The following LMX1B variants were observed in gnomAD, a reference collection of about 807,000 sequenced individuals.
The protein encoded by LMX1B is LIM homeobox transcription factor 1 beta.
A neutral mutation model predicts 51.4 loss-of-function variants in LMX1B; 12 were observed. The observed-to-expected ratio is 0.23, with a 90% confidence interval of 0.15 to 0.38. The LOEUF is 0.38. Among genes scored for constraint, LMX1B ranks in the 10% least tolerant of loss-of-function variants. The pLI is 1.00. For missense variants in LMX1B, 445 were observed against 571.1 expected (o/e 0.78, Z 2.25); for synonymous variants, 237 against 235.4 (o/e 1.01, Z -0.06).
At chr9:126,684,869 G>T (rs1588301555) in intron 2 of LMX1B, among the ~76,000 whole-genome samples, 1 of 152,210 alleles carries the variant, frequency 6.6e-6, no homozygotes, top group African/African-American at 2.4e-5. Context: ...GACCCAAGTT[G>T]TGTTGTTGTG....
At chr9:126,674,807 G>A (rs1836523638) in intron 2 of LMX1B, among the ~76,000 whole-genome samples, 1 of 152,172 alleles carries the variant, frequency 6.6e-6, no homozygotes, top group Non-Finnish European at 1.5e-5. Context: ...GACCCGCTGT[G>A]CCTCTCACCT....
At chr9:126,631,523 G>A (rs1222573465) in intron 2 of LMX1B, among the ~76,000 whole-genome samples, 3 of 152,124 alleles carry the variant, frequency 2.0e-5, no homozygotes, top group Non-Finnish European at 4.4e-5. Flanking sequence ...GGCCGGGATG[G>A]GGCAGGCCTA....
intron 2 of LMX1B, among the ~76,000 whole-genome samples, chr9:126,632,415 GGAGGGGCTGCC>G (rs901891704): frequency 3.9e-5 from 6 of 152,182 alleles, no homozygotes; most frequent in Non-Finnish European, 8.8e-5. Context: ...TGAGTCTGGC[GGAGGGGCTGCC>G]GAGGGGCTGC....
At chr9:126,637,907 C>T (rs1699085366) in intron 2 of LMX1B, among the ~76,000 whole-genome samples, 1 of 149,152 alleles carries the variant, frequency 6.7e-6, no homozygotes, top group Non-Finnish European at 1.5e-5. Flanking sequence ...CTTGGCCCTG[C>T]TGTAGCCTCA....
chr9:126,677,510 A>C lies in LMX1B; in HGVS notation c.327-13326A>C, dbSNP rs1291653850. Among the ~76,000 whole-genome samples, 1 of 152,152 alleles carries C rather than the reference A, an allele frequency of 6.6e-6. No individual in the cohort carries two copies. The highest frequency in any genetic ancestry group is 2.4e-5 in the African/African-American group (1 of 41,430). Reference sequence around the variant, plus strand: ...TGGGTCATTTGCTTCCCAGTCCCCAACTACCTTTCCAACCTCCAGGAAGGC... The same window carrying C: ...TGGGTCATTTGCTTCCCAGTCCCCACCTACCTTTCCAACCTCCAGGAAGGC... On this transcript the variant is annotated intron_variant, in intron 2 of 7. Coordinates refer to ENST00000373474, the MANE Select transcript of LMX1B (RefSeq NM_001174147.2). This position sits in a 1 kb window ranked among gnomAD's most constrained non-coding sequence, Gnocchi z 5.0.
intron 2 of LMX1B, among the ~76,000 whole-genome samples, chr9:126,662,544 G>A (rs947460805): frequency 1.3e-5 from 2 of 152,188 alleles, no homozygotes; most frequent in Non-Finnish European, 1.5e-5. Flanking sequence ...GAATTCTGCA[G>A]AACCAGTTCC....
rs1227835696 is a variant in LMX1B, at chr9:126,615,119, C to A, written c.140-264C>A. Reference sequence around the variant, plus strand: ...CGTTGTCATTTGTCTTAACACGGAGCGCGGATTCTCCGGAGAAGGGGAGAG... The same window carrying A: ...CGTTGTCATTTGTCTTAACACGGAGAGCGGATTCTCCGGAGAAGGGGAGAG... On this transcript the variant is annotated intron_variant, in intron 1 of 7. Coordinates refer to ENST00000373474, the MANE Select transcript of LMX1B (RefSeq NM_001174147.2). This position sits in a 1 kb window ranked among gnomAD's most constrained non-coding sequence, Gnocchi z 6.0. Among the ~76,000 whole-genome samples the A allele has an allele frequency of 6.6e-6, 1 of 152,086 alleles. No homozygotes were observed. The highest frequency in any genetic ancestry group is 2.4e-5 in the African/African-American group (1 of 41,436).
At chr9:126,666,568 T>TAAAA (rs1836344726) in intron 2 of LMX1B, among the ~76,000 whole-genome samples, 1 of 151,526 alleles carries the variant, frequency 6.6e-6, no homozygotes, top group African/African-American at 2.4e-5. Flanking sequence ...AAACAGGTTG[T>TAAAA]TAATAGCAAT....
At chr9:126,668,020 T>C (rs980145611) in intron 2 of LMX1B, among the ~76,000 whole-genome samples, 1 of 152,110 alleles carries the variant, frequency 6.6e-6, no homozygotes, top group African/African-American at 2.4e-5. Context: ...GTGGTCCCAC[T>C]GGGTGTGGAC....
rs1195883719 is a variant in LMX1B, at chr9:126,615,002, AC to A, written c.140-379del. On this transcript the variant is annotated intron_variant, in intron 1 of 7. Coordinates refer to ENST00000373474, the MANE Select transcript of LMX1B (RefSeq NM_001174147.2). The surrounding 1 kb of genome is among the most constrained non-coding windows in gnomAD (Gnocchi z 6.0). ...ATTTTGGGGAGATCGGGGATAGAAG[AC>A]CACGAACGCCACCGTGGGGCGTGTC... is the stretch of plus-strand genomic sequence containing the variant. Among the ~76,000 whole-genome samples, 1 of 152,090 alleles carries A rather than the reference AC, an allele frequency of 6.6e-6. No homozygotes were observed. The highest frequency in any genetic ancestry group is 1.5e-5 in the Non-Finnish European group (1 of 67,998).
At chr9:126,682,169 C>T (rs371697175) in intron 2 of LMX1B, among the ~76,000 whole-genome samples, 2 of 141,278 alleles carry the variant, frequency 1.4e-5, no homozygotes, top group Admixed American at 7.4e-5. Flanking sequence ...CTCAAGCAAT[C>T]TACAAGCCTC....
intron 2 of LMX1B, among the ~76,000 whole-genome samples, chr9:126,633,740 G>A (rs1052451837): frequency 6.6e-6 from 1 of 152,208 alleles, no homozygotes; most frequent in Non-Finnish European, 1.5e-5. Context: ...TAATTATACA[G>A]CATGATGGAA....
chr9:126,680,572 A>G (rs1564165163), intron 2 of LMX1B, among the ~76,000 whole-genome samples: 2 of 152,160 alleles, frequency 1.3e-5, no homozygotes, highest in South Asian at 4.1e-4. Context: ...CTCAGTGAGA[A>G]TGGGGGAAGG....
At chr9:126,666,992 T>G (rs1181003650) in intron 2 of LMX1B, among the ~76,000 whole-genome samples, 1 of 152,230 alleles carries the variant, frequency 6.6e-6, no homozygotes, top group African/African-American at 2.4e-5. Flanking sequence ...GTTCTCTGTA[T>G]TTCTTATAGA....
intron 2 of LMX1B, among the ~76,000 whole-genome samples, chr9:126,631,832 C>T (rs374167332): frequency 6.6e-5 from 10 of 152,130 alleles, no homozygotes; most frequent in East Asian, 5.8e-4. Flanking sequence ...CCCCTGCCTC[C>T]GGGTAAGGAT....
intron 2 of LMX1B, among the ~76,000 whole-genome samples, chr9:126,674,045 A>T (rs953955493): frequency 6.6e-6 from 1 of 152,044 alleles, no homozygotes; most frequent in African/African-American, 2.4e-5. Context: ...TGCCTCATCC[A>T]TGGGGTAGAA....
chr9:126,630,722 T>C (rs1189711489), intron 2 of LMX1B, among the ~76,000 whole-genome samples: 1 of 152,138 alleles, frequency 6.6e-6, no homozygotes, highest in Non-Finnish European at 1.5e-5. Flanking sequence ...AAATATATAG[T>C]GAAAGCAGCG....
intron 2 of LMX1B, among the ~76,000 whole-genome samples, chr9:126,633,067 C>G (rs10760443): frequency 6.6e-6 from 1 of 152,070 alleles, no homozygotes; most frequent in East Asian, 1.9e-4. Context: ...GTCCCCTGGC[C>G]TCCATCATCC....
chr9:126,657,144 T>C (rs142104960), intron 2 of LMX1B, among the ~76,000 whole-genome samples: 1 of 152,338 alleles, frequency 6.6e-6, no homozygotes, highest in East Asian at 1.9e-4. Context: ...TCTGAGATTT[T>C]GAAAAAGTAA....
Sources: allele counts gnomAD v4.1 joint callset (sites outside exome capture counted in the v4.1 genomes callset), GRCh38; gene constraint gnomAD v4.1.1; non-coding constraint Gnocchi (gnomAD v3.1); transcripts MANE v1.5; gene names NCBI Gene and HGNC (gene_info 2026-07-23, HGNC 2026-07-21).